The following THADA variants were observed in gnomAD, a reference collection of about 807,000 sequenced individuals.
THADA encodes THADA armadillo repeat containing, also known as tRNA (32-2'-O)-methyltransferase regulator THADA.
Under a neutral mutation model 219.8 loss-of-function variants are expected in THADA, and 213 were observed. The observed-to-expected ratio is 0.97, with a 90% confidence interval of 0.87 to 1.09. The LOEUF (loss-of-function observed/expected upper bound fraction) is 1.09, where lower values mean the gene tolerates loss of function less well. Among genes scored for constraint, THADA ranks in the 50% least tolerant of loss-of-function variants. The pLI, the probability that THADA is intolerant of heterozygous loss-of-function variation, is 0.00. For missense variants in THADA, 2,956 were observed against 2,311.3 expected, an observed-to-expected ratio of 1.28 and a Z score of -5.72; for synonymous variants, 1,018 against 828.9, an observed-to-expected ratio of 1.23 and a Z score of -3.92.
chr2:43,293,237 G>A (rs551253247), intron 31 of THADA, 24 bp from the exon 32 acceptor site: 1 of 1,583,274 alleles, frequency 6.3e-7, no homozygotes, highest in South Asian at 1.1e-5. Flanking sequence ...AAAGCAAAAG[G>A]GAAAGAGATA....
intron 30 of THADA, among the ~76,000 whole-genome samples, chr2:43,329,771 G>A (rs953333373): frequency 2.0e-5 from 3 of 152,278 alleles, no homozygotes; most frequent in South Asian, 2.1e-4. Flanking sequence ...TAGAAACCAC[G>A]TAGACTGGTG....
At chr2:43,464,708 TC>T (rs1684031716) in intron 26 of THADA, among the ~76,000 whole-genome samples, 1 of 152,160 alleles carries the variant, frequency 6.6e-6, no homozygotes, top group Admixed American at 6.5e-5. Flanking sequence ...CCTCCGGCAT[TC>T]CTACAAACAA....
chr2:43,562,129 T>G (rs886149538), intron 15 of THADA: 1 of 152,220 alleles, frequency 6.6e-6, no homozygotes, highest in Non-Finnish European at 1.5e-5. Flanking sequence ...TTTAATATGC[T>G]GTTGGATTTG....
chr2:43,515,111 T>A (rs1208081005), intron 22 of THADA, among the ~76,000 whole-genome samples: 4 of 19,362 alleles, frequency 2.1e-4, no homozygotes, highest in African/African-American at 2.5e-4. Context: ...ATAATATATT[T>A]TATATATAAT....
At chr2:43,431,660 TTTTTTTTTTTTTTTTTTTTTTTG>T in intron 26 of THADA, among the ~76,000 whole-genome samples, 1 of 37,880 alleles carries the variant, frequency 2.6e-5, no homozygotes, top group Non-Finnish European at 5.1e-5. Flanking sequence ...TTTTTTTTTT[TTTTTTTTTTTTTTTTTTTTTTTG>T]AGACGGAGTC....
chr2:43,291,551 C>A, intron 34 of THADA, 145 bp downstream of exon 34: 1 of 372,692 alleles, frequency 2.7e-6, no homozygotes, highest in Non-Finnish European at 4.8e-6. Flanking sequence ...AATTGAAAAA[C>A]CAGCACGAAC....
At chr2:43,474,166 A>G (rs1348249595) in intron 26 of THADA, among the ~76,000 whole-genome samples, 1 of 152,218 alleles carries the variant, frequency 6.6e-6, no homozygotes, top group Non-Finnish European at 1.5e-5. Flanking sequence ...TGAATCACTT[A>G]GTGTCATATG....
chr2:43,451,291 A>T (rs1682294620), intron 26 of THADA, among the ~76,000 whole-genome samples: 1 of 152,198 alleles, frequency 6.6e-6, no homozygotes, highest in African/African-American at 2.4e-5. Flanking sequence ...TGATGGCTTT[A>T]GAAACTCTAA....
intron 36 of THADA, chr2:43,233,169 G>C (rs184687347): frequency 5.5e-6 from 2 of 361,028 alleles, no homozygotes; most frequent in East Asian, 4.6e-5. Context: ...TCTCCCCTCT[G>C]CTCCTCCAGT....
At chr2:43,295,772 C>A (rs1003308633) in intron 31 of THADA, among the ~76,000 whole-genome samples, 4 of 151,928 alleles carry the variant, frequency 2.6e-5, no homozygotes, top group Admixed American at 6.6e-5. Context: ...TGCAATAATT[C>A]GAGATTTAAA....
At chr2:43,494,994 A>G (rs2105047608) in intron 25 of THADA, among the ~76,000 whole-genome samples, 1 of 152,364 alleles carries the variant, frequency 6.6e-6, no homozygotes, top group East Asian at 1.9e-4. Flanking sequence ...AGGAAAAACA[A>G]TCAAGTCAAA....
chr2:43,544,801 T>C (rs1695806244), intron 20 of THADA, among the ~76,000 whole-genome samples: 1 of 151,646 alleles, frequency 6.6e-6, no homozygotes, highest in Non-Finnish European at 1.5e-5. Flanking sequence ...TTTCTAGATA[T>C]ACAATCATGT....
intron 7 of THADA, among the ~76,000 whole-genome samples, chr2:43,582,469 C>A (rs1293234280): frequency 8.8e-5 from 13 of 147,628 alleles, no homozygotes; most frequent in African/African-American, 2.8e-4. Context: ...TGCACTCCAG[C>A]CTGGGTGAGA....
chr2:43,275,346 G>C (rs1426478283), intron 36 of THADA, among the ~76,000 whole-genome samples: 2 of 152,120 alleles, frequency 1.3e-5, no homozygotes, highest in African/African-American at 4.8e-5. Flanking sequence ...ACGGGAATGG[G>C]AGGAGGCCAT....
At chr2:43,518,313 T>C (rs1691990970) in intron 22 of THADA, among the ~76,000 whole-genome samples, 1 of 152,126 alleles carries the variant, frequency 6.6e-6, no homozygotes, top group Admixed American at 6.5e-5. Context: ...CAAACAAAAA[T>C]GTTTTCCAAT....
chr2:43,547,833 G>C (rs575427742), intron 20 of THADA, among the ~76,000 whole-genome samples: 1 of 152,270 alleles, frequency 6.6e-6, no homozygotes, highest in South Asian at 2.1e-4. Context: ...GCTTGGAGTA[G>C]TTTGATCATC....
chr2:43,313,836 T>C (rs1677778996), intron 31 of THADA, among the ~76,000 whole-genome samples: 1 of 152,230 alleles, frequency 6.6e-6, no homozygotes, highest in Non-Finnish European at 1.5e-5. Flanking sequence ...TGATGTTTCC[T>C]GACTCTGGCC....
chr2:43,370,768 A>G (rs1026381759), intron 29 of THADA, among the ~76,000 whole-genome samples: 2 of 152,230 alleles, frequency 1.3e-5, no homozygotes, highest in Non-Finnish European at 2.9e-5. Context: ...AAAAGCTTCA[A>G]ATGTAAGTAA....
chr2:43,481,043 C>T (rs754355407), intron 26 of THADA, among the ~76,000 whole-genome samples: 15 of 152,140 alleles, frequency 9.9e-5, no homozygotes, highest in Non-Finnish European at 2.9e-5. Flanking sequence ...CAAACAATAG[C>T]GTGGGTAACC....
Sources: allele counts gnomAD v4.1 joint callset (sites outside exome capture counted in the v4.1 genomes callset), GRCh38; gene constraint gnomAD v4.1.1; transcripts MANE v1.5; gene names NCBI Gene and HGNC (gene_info 2026-07-23, HGNC 2026-07-21).